RPL11: variants seen among roughly 807,000 people sequenced by gnomAD.
RPL11 encodes the protein large ribosomal subunit protein uL5.
In RPL11, 3 loss-of-function variants were observed where a neutral mutation model predicts 24.1. That is an observed-to-expected ratio of 0.12 (90% CI 0.06 to 0.32). The LOEUF (loss-of-function observed/expected upper bound fraction) is 0.32, where lower values mean the gene tolerates loss of function less well. Among genes scored for constraint, RPL11 ranks in the 10% least tolerant of loss-of-function variants. The pLI, the probability that RPL11 is intolerant of heterozygous loss-of-function variation, is 1.00. For missense variants in RPL11, 146 were observed against 225.7 expected, an observed-to-expected ratio of 0.65 and a Z score of 2.26; for synonymous variants, 96 against 75.7, an observed-to-expected ratio of 1.27 and a Z score of -1.39.
intron 1 of RPL11, 179 bp downstream of exon 1, chr1:23,692,008 G>A (rs1416550308): frequency 8.1e-6 from 7 of 862,730 alleles, no homozygotes; most frequent in Non-Finnish European, 1.3e-5. Flanking sequence ...CACTTTCCCT[G>A]CCATCGTTTT....
At chr1:23,695,356 G>C (rs746159894) in intron 4 of RPL11, 22 of 277,434 alleles carry the variant, frequency 7.9e-5, no homozygotes, top group Non-Finnish European at 1.3e-4. Context: ...AATAAGACTT[G>C]GATACTCACA....
rs1644533555 is a variant in RPL11, at chr1:23,696,504, G to A, written c.*131G>A. On this transcript the variant is annotated 3_prime_UTR_variant, in exon 6 of 6. Coordinates refer to ENST00000643754, the MANE Select transcript of RPL11 (RefSeq NM_000975.5). ...CAAGCCACTTAAAGCTTCGATGGGA[G>A]TAGCTGGTAACAACCCCGTCATCCT... is the stretch of plus-strand genomic sequence containing the variant. 2.3e-6 allele frequency: 2 copies of A among 863,696 alleles called. No individual in the cohort carries two copies. Among genetic ancestry groups the A allele is most frequent in the East Asian group, 5.1e-5 (2 of 39,246 alleles). The allele number at this position is 863,696 out of a possible 1,614,324, so 53.5% of individuals were successfully genotyped here.
intron 1 of RPL11, 25 bp downstream of exon 1, chr1:23,691,854 C>T (rs374151154): frequency 1.2e-5 from 19 of 1,614,098 alleles, no homozygotes; most frequent in Non-Finnish European, 1.4e-5. Context: ...CCTGGATTTG[C>T]TTTCCTTTAT....
chr1:23,695,433 T>G, intron 4 of RPL11: 2 of 309,894 alleles, frequency 6.5e-6, no homozygotes, highest in South Asian at 6.4e-5. Context: ...AGAAAATATA[T>G]ATATTTGTGC....
chr1:23,695,989 T>C (rs895720837), intron 5 of RPL11, 81 bp downstream of exon 5: 1 of 1,299,264 alleles, frequency 7.7e-7, no homozygotes, highest in Non-Finnish European at 1.1e-6. Flanking sequence ...CAAAATATAG[T>C]ACTATTTGCT....
chr1:23,692,490 T>G, intron 1 of RPL11, 119 bp from the exon 2 acceptor site: 1 of 1,318,552 alleles, frequency 7.6e-7, no homozygotes, highest in Non-Finnish European at 1.1e-6. Context: ...CTTTTAAACA[T>G]TCAGGGTCTT....
In RPL11 at chr1:23,692,565, C is replaced by T. The variant is rs200466775; in HGVS notation, c.7-44C>T. ...AGATAGAAAGTAGTAAAACTCAGGG[C>T]CCTCAGCTGTGAGTGTATTGACTGC... is the stretch of plus-strand genomic sequence containing the variant. On this transcript the variant is annotated intron_variant, in intron 1 of 5. Transcript: ENST00000643754. 8.7e-6 allele frequency: 14 copies of T among 1,612,694 alleles called. No individual in the cohort carries two copies. In the East Asian group the frequency reaches 2.9e-4, roughly 33 times the overall value.
chr1:23,694,582 T>G, intron 3 of RPL11, 78 bp from the exon 4 acceptor site: 6 of 1,597,406 alleles, frequency 3.8e-6, no homozygotes, highest in South Asian at 1.1e-5. Context: ...TGTTGCAGGC[T>G]GAGCTATTAA....
chr1:23,695,660 A>G (rs751455925), intron 4 of RPL11, 138 bp from the exon 5 acceptor site: 55 of 809,540 alleles, frequency 6.8e-5, no homozygotes, highest in Non-Finnish European at 1.1e-4. Flanking sequence ...GCTTTGTCAG[A>G]CACAGATCAT....
chr1:23,694,902 T>C, intron 4 of RPL11, 111 bp downstream of exon 4: 3 of 1,530,836 alleles, frequency 2.0e-6, no homozygotes, highest in Non-Finnish European at 2.7e-6. Context: ...GAATATTGTC[T>C]GCCTTTGTGT....
At chr1:23,692,059 C>T in intron 1 of RPL11, 1 of 619,882 alleles carries the variant, frequency 1.6e-6, no homozygotes, top group Non-Finnish European at 2.8e-6. Flanking sequence ...CTCAGAAGCA[C>T]GGTCAGGAGG....
At chr1:23,692,588 T>G in intron 1 of RPL11, 21 bp from the exon 2 acceptor site, 1 of 1,614,084 alleles carries the variant, frequency 6.2e-7, no homozygotes, top group Non-Finnish European at 8.5e-7. Context: ...GTGTATTGAC[T>G]GCTGCTCTTC....
chr1:23,692,738 C>T lies in RPL11; in HGVS notation c.136C>T (p.Gln46Ter). 6.2e-7 allele frequency: 1 copy of T among 1,613,862 alleles called. No individual in the cohort carries two copies. Among genetic ancestry groups the T allele is most frequent in the Non-Finnish European group, 8.5e-7 (1 of 1,179,990 alleles). Residue 46 changes from glutamine to a stop codon, truncating the protein, a stop_gained, in exon 2 of 6, where the codon CAG (glutamine) becomes TAG (stop). Coordinates refer to ENST00000643754, the MANE Select transcript of RPL11 (RefSeq NM_000975.5). LOFTEE classifies it high-confidence loss of function. ...AAKVLEQLTG[Q>*]TPVFSKARYT... ...CAAGGTGTTGGAGCAGCTCACAGGG[C>T]AGACCCCTGTGTTTTCCAAAGGTGA...
chr1:23,692,113 G>C (rs1644503803), intron 1 of RPL11: 2 of 566,874 alleles, frequency 3.5e-6, no homozygotes, highest in Non-Finnish European at 6.3e-6. Flanking sequence ...TCTGAGGCAG[G>C]GGGGTCCGGG....
intron 3 of RPL11, 37 bp from the exon 4 acceptor site, chr1:23,694,617 TTGAAGA>T (rs1366730911): frequency 1.2e-6 from 2 of 1,612,072 alleles, no homozygotes; most frequent in Non-Finnish European, 1.7e-6. Flanking sequence ...TGGGAGGGAG[TTGAAGA>T]TGACAAGGAA....
In RPL11 at chr1:23,694,949, C is replaced by A. The variant is rs1226646842; in HGVS notation, c.396+158C>A. 1.4e-5 allele frequency: 16 copies of A among 1,121,684 alleles called. No homozygotes were observed. The Admixed American group carries it at 3.1e-4, about 22-fold the overall frequency. The allele number at this position is 1,121,684 out of a possible 1,614,324, so 69.5% of individuals were successfully genotyped here. A position where few individuals can be genotyped will look rare whatever the true frequency, so the allele number is the denominator to read the frequency against. The stretch of plus-strand genomic sequence containing the variant: ...TTGGGGAAATGTGCCTCATTTGTGG[C>A]AAATGTAGGGGTGCAGCTCTGAACA... On this transcript the variant is annotated intron_variant, in intron 4 of 5. Coordinates refer to ENST00000643754, the MANE Select transcript of RPL11 (RefSeq NM_000975.5).
chr1:23,696,528 C>T lies in RPL11; in HGVS notation c.*155C>T, dbSNP rs1644533735. The T allele has an allele frequency of 1.4e-6, 1 of 724,138 alleles. No individual in the cohort carries two copies. Among genetic ancestry groups the T allele is most frequent in the Non-Finnish European group, 2.5e-6 (1 of 405,598 alleles). 44.9% of individuals were successfully genotyped at this position (724,138 alleles called of 1,614,324 possible). On this transcript the variant is annotated 3_prime_UTR_variant, in exon 6 of 6. Coordinates refer to ENST00000643754, the MANE Select transcript of RPL11 (RefSeq NM_000975.5). Reference sequence around the variant, plus strand: ...AGTAGCTGGTAACAACCCCGTCATCCTCTGATTGGATGCCAGTATTTCCTG... The same window carrying T: ...AGTAGCTGGTAACAACCCCGTCATCTTCTGATTGGATGCCAGTATTTCCTG...
In RPL11 at chr1:23,694,807, C is replaced by A. The variant is rs1557435535; in HGVS notation, c.396+16C>A. ...CTTCTATGTGGTATGAATATTTAAT[C>A]TTTTCCCGCTCCTGGTCTGTGAGGA... On this transcript the variant is annotated intron_variant, in intron 4 of 5. Coordinates refer to ENST00000643754, the MANE Select transcript of RPL11 (RefSeq NM_000975.5). 1.2e-6 allele frequency: 2 copies of A among 1,614,140 alleles called. No homozygotes were observed. Among genetic ancestry groups the A allele is most frequent in the Admixed American group, 1.7e-5 (1 of 60,020 alleles).
rs1409943515 is a variant in RPL11, at chr1:23,693,718, C to CT, written c.158-86dup. The CT allele has an allele frequency of 3.4e-6, 3 of 877,090 alleles. No homozygotes were observed. The African/African-American group carries it at 5.0e-5, about 14-fold the overall frequency. The allele number at this position is 877,090 out of a possible 1,614,324, so 54.3% of individuals were successfully genotyped here. ...GAGTGTGGATGAATGCTTAATGTCT[C>CT]TTTAAGTCATGGAGATGGTGTTCTG... is the stretch of plus-strand genomic sequence containing the variant. On this transcript the variant is annotated intron_variant, in intron 2 of 5. Transcript: ENST00000643754.
Sources: allele counts gnomAD v4.1 joint callset, GRCh38; gene constraint gnomAD v4.1.1; transcripts MANE v1.5; gene names NCBI Gene and HGNC (gene_info 2026-07-23, HGNC 2026-07-21).